PLEKHA7: variants seen among roughly 807,000 people sequenced by gnomAD.
The protein encoded by PLEKHA7 is pleckstrin homology domain-containing family A member 7.
A neutral mutation model predicts 170.0 loss-of-function variants in PLEKHA7; 104 were observed. The observed-to-expected ratio is 0.61, with a 90% confidence interval of 0.52 to 0.72. The LOEUF is 0.72. Among genes scored for constraint, PLEKHA7 ranks in the 30% least tolerant of loss-of-function variants. The probability of loss-of-function intolerance (pLI) is 0.00; values close to 1 mark genes in which losing one functional copy is unlikely to be tolerated. For missense variants in PLEKHA7, 1,615 were observed against 1,671.7 expected (o/e 0.97, Z 0.59); for synonymous variants, 648 against 660.8 (o/e 0.98, Z 0.30).
intron 3 of PLEKHA7, among the ~76,000 whole-genome samples, chr11:16,915,874 A>G (rs1590605169): frequency 1.3e-5 from 2 of 149,890 alleles, no homozygotes; most frequent in South Asian, 4.2e-4. Context: ...TTGGGTATAT[A>G]CCCATTAATG....
rs759451167 is a variant in PLEKHA7 at position 16,826,588 on chromosome 11, T to C, written c.875A>G (p.Asp292Gly). ...QVLSRSSLKR[D>G]MEKVERQAVP... ...AGCCTGCCGCTCCACCTTCTCCATA[T>C]CCCTGCAATGACAGCAGCACATTCA... The change falls in exon 10 of 27, where the codon GAT becomes GGT. Residue 292 changes from aspartate to glycine, a missense_variant and splice_region_variant. By Grantham distance (94) the Asp-to-Gly change is moderately conservative (BLOSUM62 -1). Coordinates refer to ENST00000531066, the MANE Select transcript of PLEKHA7 (RefSeq NM_001329630.2). 1 of 1,611,010 alleles carries C rather than the reference T, an allele frequency of 6.2e-7. No individual in the cohort carries two copies. Among genetic ancestry groups the C allele is most frequent in the East Asian group, 2.2e-5 (1 of 44,866 alleles).
At chr11:16,804,900 G>A (rs1302888485) in intron 13 of PLEKHA7, among the ~76,000 whole-genome samples, 1 of 152,160 alleles carries the variant, frequency 6.6e-6, no homozygotes, top group African/African-American at 2.4e-5. Context: ...GGGGGGGGCG[G>A]TGCAGGGAGG....
chr11:16,885,550 C>A (rs563201250), intron 3 of PLEKHA7, among the ~76,000 whole-genome samples: 1 of 150,954 alleles, frequency 6.6e-6, no homozygotes, highest in Admixed American at 6.6e-5. Context: ...GTAATCCCAG[C>A]TGTTCGGGAG....
intron 10 of PLEKHA7, among the ~76,000 whole-genome samples, chr11:16,822,732 GCT>G (rs1376839292): frequency 2.6e-5 from 4 of 152,216 alleles, no homozygotes; most frequent in Non-Finnish European, 4.4e-5. Flanking sequence ...CTGCAACTGT[GCT>G]CTCTCAGTTG....
intron 13 of PLEKHA7, among the ~76,000 whole-genome samples, chr11:16,804,644 G>A (rs1848823399): frequency 6.6e-6 from 1 of 152,160 alleles, no homozygotes; most frequent in Non-Finnish European, 1.5e-5. Flanking sequence ...TTTTATCTTG[G>A]TAAAGTCAGC....
intron 8 of PLEKHA7, among the ~76,000 whole-genome samples, chr11:16,843,817 A>G (rs1173946201): frequency 6.6e-6 from 1 of 152,132 alleles, no homozygotes; most frequent in African/African-American, 2.4e-5. Flanking sequence ...CATGCCTGTA[A>G]TCTCAGCTAC....
chr11:16,853,018 G>T (rs1254207727), intron 6 of PLEKHA7, among the ~76,000 whole-genome samples: 3 of 152,080 alleles, frequency 2.0e-5, no homozygotes, highest in African/African-American at 7.2e-5. Context: ...AATGTTTTGG[G>T]GTGAGTTTTC....
Position 16,827,691 on chromosome 11 carries a change from C to A in PLEKHA7, c.873-1101G>T, listed in dbSNP as rs148707751. On this transcript the variant is annotated intron_variant, in intron 9 of 26. Transcript: ENST00000531066. Reference sequence around the variant, plus strand: ...TCCTGATCACCTGGCACCAGGGATACAATAGTGGCTCCACAAGCTTTGCAG... The same window carrying A: ...TCCTGATCACCTGGCACCAGGGATAAAATAGTGGCTCCACAAGCTTTGCAG... Among the ~76,000 whole-genome samples, 900 of 152,196 alleles carry A rather than the reference C, an allele frequency of 5.9e-3. 3 individuals are homozygous for A. Among genetic ancestry groups the A allele is most frequent in the Non-Finnish European group, 9.8e-3 (665 of 67,990 alleles).
intron 3 of PLEKHA7, among the ~76,000 whole-genome samples, chr11:16,911,245 C>T (rs182683482): frequency 2.2e-3 from 333 of 152,298 alleles, no homozygotes; most frequent in Non-Finnish European, 3.2e-3. Flanking sequence ...CCGCAGGCCT[C>T]CTCACCTGTG....
At chr11:16,866,586 C>A (rs1461593105) in intron 4 of PLEKHA7, among the ~76,000 whole-genome samples, 1 of 151,120 alleles carries the variant, frequency 6.6e-6, no homozygotes, top group East Asian at 2.0e-4. Flanking sequence ...GAATGAAACT[C>A]TGTCTCAAAA....
rs535393564 is a variant in PLEKHA7 at position 16,867,330 on chromosome 11, G to C, written c.305+3769C>G. ...CCTTCTCAGGTGATGCTGATTCAGA[G>C]ATCACACTTTGAGAACCGCTGCTCC... is the stretch of plus-strand genomic sequence containing the variant. On this transcript the variant is annotated intron_variant, in intron 4 of 26. Transcript: ENST00000531066. Among the ~76,000 whole-genome samples the C allele has an allele frequency of 1.7e-4, 26 of 152,282 alleles. 1 individual carries two copies. In the South Asian group the frequency reaches 5.2e-3, roughly 30 times the overall value.
chr11:16,872,226 C>A (rs767227524), intron 3 of PLEKHA7, among the ~76,000 whole-genome samples: 3 of 152,060 alleles, frequency 2.0e-5, no homozygotes, highest in Non-Finnish European at 4.4e-5. Flanking sequence ...ACCTCAGCCT[C>A]CCAAAGTGCT....
At chr11:16,785,899 C>G (rs981774865) in intron 24 of PLEKHA7, among the ~76,000 whole-genome samples, 1 of 152,222 alleles carries the variant, frequency 6.6e-6, no homozygotes, top group Non-Finnish European at 1.5e-5. Context: ...CTGCTGCTCA[C>G]GTGCCTACTA....
At chr11:17,012,424 C>G (rs781327799) in intron 3 of PLEKHA7, among the ~76,000 whole-genome samples, 4 of 152,112 alleles carry the variant, frequency 2.6e-5, no homozygotes, top group Non-Finnish European at 5.9e-5. Flanking sequence ...AATGCTTTGC[C>G]AACTCATCAT....
rs563182062 is a variant in PLEKHA7, at chr11:16,779,158, G to C, written c.3794-138C>G. 2.9e-3 allele frequency: 1,967 copies of C among 677,870 alleles called. 12 individuals carry two copies. The highest frequency in any genetic ancestry group is 3.5e-3 in the Non-Finnish European group (1,298 of 368,574). 42.0% of individuals were successfully genotyped at this position (677,870 alleles called of 1,614,324 possible). On this transcript the variant is annotated intron_variant, in intron 26 of 26. Coordinates refer to ENST00000531066, the MANE Select transcript of PLEKHA7 (RefSeq NM_001329630.2). ...CTCTGGCAATGCGGCCGCTGCTGGG[G>C]GACCCTCAGCTTCCAGGACACATGG...
intron 3 of PLEKHA7, among the ~76,000 whole-genome samples, chr11:16,950,497 A>G (rs2136494018): frequency 7.8e-6 from 1 of 127,798 alleles, no homozygotes; most frequent in South Asian, 3.5e-4. Flanking sequence ...GGAAGAGATA[A>G]GACTTTTTTT....
intron 3 of PLEKHA7, among the ~76,000 whole-genome samples, chr11:16,929,283 A>G (rs1859765461): frequency 6.6e-6 from 1 of 152,182 alleles, no homozygotes; most frequent in Non-Finnish European, 1.5e-5. Flanking sequence ...TTATTTTTAC[A>G]TTTACCTCCT....
intron 3 of PLEKHA7, among the ~76,000 whole-genome samples, chr11:16,889,420 A>AAAAAAAAAATATATATATATAT (rs61086849): frequency 1.3e-5 from 1 of 74,684 alleles, no homozygotes; most frequent in African/African-American, 6.3e-5. Flanking sequence ...AAAAAAAAAA[A>AAAAAAAAAATATATATATATAT]ATATATATAT....
chr11:16,790,837 C>T lies in PLEKHA7; in HGVS notation c.3013G>A (p.Val1005Met). The change falls in exon 21 of 27, where the codon GTG becomes ATG. Residue 1005 changes from valine (V) to methionine (M), a missense_variant. Coordinates refer to ENST00000531066, the MANE Select transcript of PLEKHA7 (RefSeq NM_001329630.2). ...GDMAQPSLGL[V>M]GPESRYQTLP... ...GTCTGGTACCTGCTCTCAGGGCCCACAAGTCCTAGGGAGGGCTGGGCCATG... is the reference window on the plus strand; with the variant it reads ...GTCTGGTACCTGCTCTCAGGGCCCATAAGTCCTAGGGAGGGCTGGGCCATG... 1.2e-6 allele frequency: 2 copies of T among 1,609,880 alleles called. No individual in the cohort carries two copies. The highest frequency in any genetic ancestry group is 1.1e-5 in the South Asian group (1 of 90,322).
Sources: allele counts gnomAD v4.1 joint callset (sites outside exome capture counted in the v4.1 genomes callset), GRCh38; gene constraint gnomAD v4.1.1; transcripts MANE v1.5; gene names NCBI Gene and HGNC (gene_info 2026-07-23, HGNC 2026-07-21).